Variants in TENM4 observed in about 807,000 individuals in gnomAD.
TENM4 encodes teneurin-4.
TENM4 carries 82 observed loss-of-function variants against 243.3 expected under a neutral mutation model. The ratio of observed to expected loss-of-function variants is 0.34; its 90% CI spans 0.28 to 0.40. The LOEUF (loss-of-function observed/expected upper bound fraction) is 0.40, where lower values mean the gene tolerates loss of function less well. Ranked by LOEUF, TENM4 falls within the 10% of genes least tolerant of loss-of-function variation. TENM4 has a pLI of 1.00. For missense variants in TENM4, 3,138 were observed against 3,673.3 expected, an observed-to-expected ratio of 0.85 and a Z score of 3.77; for synonymous variants, 1,412 against 1,456.3, an observed-to-expected ratio of 0.97 and a Z score of 0.69.
chr11:79,301,054 A>G (rs1392700169), intron 1 of TENM4, among the ~76,000 whole-genome samples: 1 of 152,096 alleles, frequency 6.6e-6, no homozygotes, highest in Admixed American at 6.6e-5. Context: ...CTCATTCATG[A>G]CACCATCATC....
intron 1 of TENM4, among the ~76,000 whole-genome samples, chr11:79,418,879 T>C (rs1858873895): frequency 6.6e-6 from 1 of 152,182 alleles, no homozygotes; most frequent in Non-Finnish European, 1.5e-5. Flanking sequence ...TGCCTGGAAA[T>C]TGGACACTCT....
chr11:79,313,523 C>G (rs963000015), intron 1 of TENM4, among the ~76,000 whole-genome samples: 2 of 152,216 alleles, frequency 1.3e-5, no homozygotes, highest in African/African-American at 4.8e-5. Flanking sequence ...GCTAATAACT[C>G]TTTCACAGAA....
chr11:79,031,389 A>G (rs1047298936), intron 6 of TENM4, among the ~76,000 whole-genome samples: 4 of 152,184 alleles, frequency 2.6e-5, no homozygotes, highest in African/African-American at 9.6e-5. Context: ...GGTCCAGGCT[A>G]GGGTCTGAAC....
At chr11:78,995,693 C>CTT (rs1338103363) in intron 6 of TENM4, among the ~76,000 whole-genome samples, 1 of 140,708 alleles carries the variant, frequency 7.1e-6, no homozygotes, top group African/African-American at 2.6e-5. Flanking sequence ...AACATCACTG[C>CTT]TTTTTTTTTT....
chr11:78,922,446 G>A (rs1306735314), intron 6 of TENM4, among the ~76,000 whole-genome samples: 1 of 152,096 alleles, frequency 6.6e-6, no homozygotes, highest in African/African-American at 2.4e-5. Flanking sequence ...TTTCTCCCTA[G>A]AGTCCACACA....
At chr11:79,113,494 C>T (rs1176941254) in intron 4 of TENM4, among the ~76,000 whole-genome samples, 1 of 151,408 alleles carries the variant, frequency 6.6e-6, no homozygotes, top group Non-Finnish European at 1.5e-5. Context: ...TCACCCTCTG[C>T]AATCCACAAC....
chr11:78,675,176 G>C (rs1280343307), intron 30 of TENM4, among the ~76,000 whole-genome samples: 2 of 152,094 alleles, frequency 1.3e-5, no homozygotes, highest in East Asian at 3.9e-4. Flanking sequence ...CTATTTTCTA[G>C]TCTTTACCAC....
chr11:79,264,573 T>C (rs936152815), intron 2 of TENM4, among the ~76,000 whole-genome samples: 1 of 152,106 alleles, frequency 6.6e-6, no homozygotes, highest in African/African-American at 2.4e-5. Flanking sequence ...TTCCCCTCAG[T>C]GTTGTTTGGG....
intron 6 of TENM4, among the ~76,000 whole-genome samples, chr11:78,941,591 C>A (rs980846992): frequency 7.0e-6 from 1 of 142,724 alleles, no homozygotes; most frequent in Admixed American, 7.0e-5. Flanking sequence ...GGCACGGCGC[C>A]GGGGCGGGGT....
In TENM4 at chr11:79,012,412, G is replaced by T. The variant is rs190528491; in HGVS notation, c.493+52326C>A. Among the ~76,000 whole-genome samples the T allele has an allele frequency of 1.8e-4, 28 of 152,236 alleles. No individual in the cohort carries two copies. In the South Asian group the frequency reaches 5.4e-3, roughly 29 times the overall value. On this transcript the variant is annotated intron_variant, in intron 6 of 33. Transcript: ENST00000278550. ...GAAAGATGGGAAGATGGGTGTTGGT[G>T]CTTACTGAGTACCTACCATGTGCCA...
intron 10 of TENM4, among the ~76,000 whole-genome samples, chr11:78,861,034 T>C (rs1858806467): frequency 6.6e-6 from 1 of 152,158 alleles, no homozygotes; most frequent in African/African-American, 2.4e-5. Context: ...GGGAAGAAAA[T>C]ACGTTTTGCC....
intron 6 of TENM4, among the ~76,000 whole-genome samples, chr11:79,055,395 C>T (rs1859917352): frequency 6.6e-6 from 1 of 152,044 alleles, no homozygotes; most frequent in Admixed American, 6.5e-5. Context: ...GCACACACCA[C>T]CACACCCAGC....
intron 1 of TENM4, among the ~76,000 whole-genome samples, chr11:79,405,683 C>T: frequency 6.6e-6 from 1 of 151,900 alleles, no homozygotes; most frequent in East Asian, 1.9e-4. Context: ...TACAGTTCCC[C>T]ATATATATCA....
rs1855990582 is a variant in TENM4, at chr11:79,272,712, C to T, written c.-265+24776G>A. ...GGGGCATGCTCCCCACCACCCCAAACCCACTTTGCTGGGCTGACTTTCAAA... is the reference window on the plus strand; with the variant it reads ...GGGGCATGCTCCCCACCACCCCAAATCCACTTTGCTGGGCTGACTTTCAAA... On this transcript the variant is annotated intron_variant, in intron 2 of 33. Transcript: ENST00000278550. 2.0e-5 allele frequency among the ~76,000 whole-genome samples: 3 copies of T among 152,098 alleles called. No homozygotes were observed. In the South Asian group the frequency reaches 6.2e-4, roughly 32 times the overall value.
intron 1 of TENM4, among the ~76,000 whole-genome samples, chr11:79,322,255 A>T (rs545060101): frequency 6.6e-6 from 1 of 152,326 alleles, no homozygotes; most frequent in East Asian, 1.9e-4. Flanking sequence ...CCCTATGAGG[A>T]ATGGATTCAG....
intron 4 of TENM4, among the ~76,000 whole-genome samples, chr11:79,135,089 T>C (rs1862081156): frequency 6.6e-6 from 1 of 152,152 alleles, no homozygotes; most frequent in Non-Finnish European, 1.5e-5. Flanking sequence ...CTTCACCATC[T>C]GTACACCTGA....
At chr11:78,742,809 C>T (rs982467756) in intron 19 of TENM4, among the ~76,000 whole-genome samples, 3 of 152,132 alleles carry the variant, frequency 2.0e-5, no homozygotes, top group African/African-American at 7.2e-5. Context: ...GACAAAACCA[C>T]TCCAAAACAA....
intron 2 of TENM4, among the ~76,000 whole-genome samples, chr11:79,232,847 C>T (rs530222910): frequency 2.6e-5 from 4 of 152,158 alleles, no homozygotes; most frequent in Non-Finnish European, 4.4e-5. Flanking sequence ...ACCAGGACAC[C>T]CAAGTGAGGT....
At chr11:79,229,624 G>T (rs1430333316) in intron 2 of TENM4, among the ~76,000 whole-genome samples, 1 of 151,972 alleles carries the variant, frequency 6.6e-6, no homozygotes, top group African/African-American at 2.4e-5. Context: ...TAACCACCCT[G>T]CTTACCACCC....
Sources: gnomAD v4.1 joint callset for allele counts (sites outside exome capture counted in the v4.1 genomes callset) on GRCh38, gnomAD v4.1.1 for gene constraint, MANE v1.5 for transcripts, NCBI Gene and HGNC (gene_info 2026-07-23, HGNC 2026-07-21) for gene names.